The following GATAD2B variants were observed in gnomAD, a reference collection of about 807,000 sequenced individuals.
GATAD2B encodes transcriptional repressor p66-beta.
Under a neutral mutation model 64.3 loss-of-function variants are expected in GATAD2B, and 8 were observed. The ratio of observed to expected loss-of-function variants is 0.12; its 90% CI spans 0.07 to 0.22. The LOEUF is 0.22. GATAD2B is among the 10% of genes least tolerant of loss of function. The pLI is 1.00. For missense variants in GATAD2B, 453 were observed against 752.0 expected (o/e 0.60, Z 4.65); for synonymous variants, 281 against 271.3 (o/e 1.04, Z -0.35).
chr1:153,881,731 GAA>G (rs1677016159), intron 1 of GATAD2B, among the ~76,000 whole-genome samples: 1 of 152,122 alleles, frequency 6.6e-6, no homozygotes, highest in Admixed American at 6.6e-5. Flanking sequence ...AAGAAATAGA[GAA>G]AGAGAACAGA....
At chr1:153,865,026 C>T (rs558206588) in intron 1 of GATAD2B, among the ~76,000 whole-genome samples, 19 of 151,000 alleles carry the variant, frequency 1.3e-4, no homozygotes, top group South Asian at 4.2e-4. Context: ...GCCGAGATCC[C>T]GCCACTGCAC....
At chr1:153,901,778 C>T (rs546466178) in intron 1 of GATAD2B, among the ~76,000 whole-genome samples, 10 of 149,896 alleles carry the variant, frequency 6.7e-5, no homozygotes, top group South Asian at 2.1e-4. Flanking sequence ...GAGCCACGAT[C>T]GTGCCACTGC....
At chr1:153,889,127 G>C (rs1677275905) in intron 1 of GATAD2B, among the ~76,000 whole-genome samples, 1 of 151,990 alleles carries the variant, frequency 6.6e-6, no homozygotes, top group Non-Finnish European at 1.5e-5. Flanking sequence ...TGTTCAACAG[G>C]CTATACTAGA....
At chr1:153,811,980 A>G in intron 9 of GATAD2B, 42 bp downstream of exon 9, 1 of 1,362,456 alleles carries the variant, frequency 7.3e-7, no homozygotes, top group South Asian at 1.2e-5. Flanking sequence ...AATGGCTGAT[A>G]AATCTTCTAA....
At chr1:153,916,277 GAAAA>G (rs200305010) in intron 1 of GATAD2B, among the ~76,000 whole-genome samples, 1 of 92,598 alleles carries the variant, frequency 1.1e-5, no homozygotes, top group Admixed American at 9.9e-5. Context: ...TCCACCTCAA[GAAAA>G]AAAAAAAAAA....
At chr1:153,910,097 G>C (rs1252808727) in intron 1 of GATAD2B, among the ~76,000 whole-genome samples, 1 of 151,864 alleles carries the variant, frequency 6.6e-6, no homozygotes, top group Non-Finnish European at 1.5e-5. Flanking sequence ...CCTGGCAACA[G>C]AGTGAGACTC....
At chr1:153,892,842 G>A (rs900437397) in intron 1 of GATAD2B, among the ~76,000 whole-genome samples, 7 of 151,722 alleles carry the variant, frequency 4.6e-5, no homozygotes, top group African/African-American at 1.7e-4. Flanking sequence ...CTACAGGCAC[G>A]TGCCACCACG....
At chr1:153,819,563 G>A in intron 3 of GATAD2B, 43 bp downstream of exon 3, 2 of 1,355,218 alleles carry the variant, frequency 1.5e-6, no homozygotes, top group Non-Finnish European at 2.0e-6. Context: ...AAATAAAATA[G>A]AAGGAGCATA....
intron 1 of GATAD2B, among the ~76,000 whole-genome samples, chr1:153,844,608 T>C (rs971928275): frequency 1.1e-4 from 17 of 151,784 alleles, no homozygotes; most frequent in African/African-American, 3.9e-4. Context: ...TCATATCCTT[T>C]GTAGGGACAT....
chr1:153,864,159 C>T (rs182408303), intron 1 of GATAD2B, among the ~76,000 whole-genome samples: 19 of 152,252 alleles, frequency 1.2e-4, no homozygotes, highest in African/African-American at 4.6e-4. Context: ...CCAGACAAAA[C>T]ATGTTGTAAG....
intron 1 of GATAD2B, among the ~76,000 whole-genome samples, chr1:153,857,435 G>A (rs1676125850): frequency 6.6e-6 from 1 of 152,118 alleles, no homozygotes; most frequent in South Asian, 2.1e-4. Context: ...GACAGAGGGA[G>A]ACTCTCAAAT....
chr1:153,823,141 A>G (rs768381291), intron 2 of GATAD2B, among the ~76,000 whole-genome samples: 22 of 152,232 alleles, frequency 1.4e-4, no homozygotes, highest in Admixed American at 2.0e-4. Context: ...TTTGTTAAAC[A>G]TTCCAAGAGA....
chr1:153,876,944 C>T (rs1169232985), intron 1 of GATAD2B, among the ~76,000 whole-genome samples: 1 of 151,990 alleles, frequency 6.6e-6, no homozygotes, highest in Admixed American at 6.6e-5. Flanking sequence ...GGGAGGGCGG[C>T]GGGTGGAGGT....
At chr1:153,855,219 C>CT (rs775771696) in intron 1 of GATAD2B, among the ~76,000 whole-genome samples, 3 of 51,134 alleles carry the variant, frequency 5.9e-5, no homozygotes, top group African/African-American at 2.0e-4. Context: ...CATTAGCTTT[C>CT]TTTTTGTTTT....
intron 1 of GATAD2B, among the ~76,000 whole-genome samples, chr1:153,834,979 T>C (rs1320338755): frequency 6.6e-6 from 1 of 151,536 alleles, no homozygotes; most frequent in Admixed American, 6.6e-5. Context: ...AAAAAATTAG[T>C]TGGGCACGGT....
intron 1 of GATAD2B, among the ~76,000 whole-genome samples, chr1:153,916,309 A>G (rs546595279): frequency 6.6e-6 from 1 of 151,966 alleles, no homozygotes; most frequent in Non-Finnish European, 1.5e-5. Context: ...AGAGAGTAAG[A>G]CTATAAACAG....
intron 1 of GATAD2B, among the ~76,000 whole-genome samples, chr1:153,845,626 TTCCAGC>T (rs1477253092): frequency 7.7e-6 from 1 of 130,316 alleles, no homozygotes; most frequent in Non-Finnish European, 1.6e-5. Context: ...ACGCCTACAG[TTCCAGC>T]TACTTTGGCG....
intron 7 of GATAD2B, among the ~76,000 whole-genome samples, chr1:153,814,699 G>A (rs1473988807): frequency 6.6e-6 from 1 of 152,126 alleles, no homozygotes; most frequent in African/African-American, 2.4e-5. Context: ...GCTTGCGCCG[G>A]GCACAGTGGC....
intron 1 of GATAD2B, among the ~76,000 whole-genome samples, chr1:153,847,653 T>C (rs1320270900): frequency 2.0e-5 from 3 of 152,170 alleles, no homozygotes; most frequent in Non-Finnish European, 4.4e-5. Context: ...TGAAGATTCA[T>C]ATACTTAGAA....
Sources: allele counts gnomAD v4.1 joint callset (sites outside exome capture counted in the v4.1 genomes callset), GRCh38; gene constraint gnomAD v4.1.1; transcripts MANE v1.5; gene names NCBI Gene and HGNC (gene_info 2026-07-23, HGNC 2026-07-21).